Variants in THAP8 observed in about 807,000 individuals in gnomAD.
THAP8 encodes THAP domain-containing protein 8.
THAP8 carries 24 observed loss-of-function variants against 25.0 expected under a neutral mutation model. That is an observed-to-expected ratio of 0.96 (90% CI 0.69 to 1.35). THAP8 has a LOEUF of 1.35. Ranked by LOEUF, THAP8 falls within the 40% of genes most tolerant of loss-of-function variation. The pLI, the probability that THAP8 is intolerant of heterozygous loss-of-function variation, is 0.00. For missense variants in THAP8, 399 were observed against 368.8 expected, an observed-to-expected ratio of 1.08 and a Z score of -0.67; for synonymous variants, 169 against 157.6, an observed-to-expected ratio of 1.07 and a Z score of -0.54.
intron 1 of THAP8, among the ~76,000 whole-genome samples, chr19:36,053,876 C>T (rs917485882): frequency 2.0e-5 from 3 of 152,126 alleles, no homozygotes; most frequent in Admixed American, 6.5e-5. Flanking sequence ...ACAGCCTGCA[C>T]CGACTTCACT....
rs1249201127 is a variant in THAP8, at chr19:36,051,872, A to C, written c.83+2263T>G. Among the ~76,000 whole-genome samples, 3 of 152,090 alleles carry C rather than the reference A, an allele frequency of 2.0e-5. No individual in the cohort carries two copies. In the East Asian group the frequency reaches 5.8e-4, roughly 29 times the overall value. Reference sequence around the variant, plus strand: ...GGCAGGCAGGTGAGCGAGTGAGAGAAGCTTCATCTGTATTTACAGCCACTC... The same window carrying C: ...GGCAGGCAGGTGAGCGAGTGAGAGACGCTTCATCTGTATTTACAGCCACTC... On this transcript the variant is annotated intron_variant, in intron 1 of 3. Coordinates refer to ENST00000292894, the MANE Select transcript of THAP8 (RefSeq NM_152658.3).
At chr19:36,036,923 AGAGC>A (rs1439627884) in intron 3 of THAP8, among the ~76,000 whole-genome samples, 1 of 145,820 alleles carries the variant, frequency 6.9e-6, no homozygotes, top group African/African-American at 2.6e-5. Context: ...CCTGGGCAAC[AGAGC>A]AAGACTCCTT....
intron 1 of THAP8, among the ~76,000 whole-genome samples, chr19:36,053,760 C>G (rs1041321168): frequency 6.6e-6 from 1 of 152,056 alleles, no homozygotes; most frequent in Non-Finnish European, 1.5e-5. Flanking sequence ...ATAAGACAGA[C>G]TGGAAGGTTT....
intron 3 of THAP8, among the ~76,000 whole-genome samples, chr19:36,038,554 A>G (rs1969560591): frequency 6.6e-6 from 1 of 152,138 alleles, no homozygotes; most frequent in African/African-American, 2.4e-5. Context: ...CATTTTTTAA[A>G]AATTAACCTT....
At chr19:36,054,295 C>T (rs1970215321), upstream of THAP8, 1 of 1,513,060 alleles carries the variant, frequency 6.6e-7, no homozygotes, top group Admixed American at 2.0e-5. Flanking sequence ...TAACCCCGCC[C>T]CACCCGCGCT....
At chr19:36,036,120 T>C (rs1969432514) in intron 3 of THAP8, among the ~76,000 whole-genome samples, 1 of 152,028 alleles carries the variant, frequency 6.6e-6, no homozygotes, top group Admixed American at 6.6e-5. Context: ...GTCTGAGCTC[T>C]GTCCCTGCCC....
chr19:36,050,414 G>T (rs1343283321), intron 1 of THAP8, among the ~76,000 whole-genome samples: 1 of 152,146 alleles, frequency 6.6e-6, no homozygotes, highest in Non-Finnish European at 1.5e-5. Flanking sequence ...AAAGTGCTGG[G>T]ATTACAGGTG....
At chr19:36,037,138 C>T (rs563508655) in intron 3 of THAP8, among the ~76,000 whole-genome samples, 70 of 151,782 alleles carry the variant, frequency 4.6e-4, no homozygotes, top group Non-Finnish European at 9.4e-4. Flanking sequence ...GGAGAAATTT[C>T]GCCTTGGTCA....
chr19:36,035,545 G>A lies in THAP8; in HGVS notation c.720C>T (p.Ile240=). ...TGGCTATGTCAGGCCCTCCACAGAT[G>A]ATGGTGAAGGTTTGGGATTCCTCAG... is the stretch of plus-strand genomic sequence containing the variant. ...LGPEESQTFT[I]ICGGPDIAMV... The change falls in exon 4 of 4, where the codon ATC becomes ATT. Residue 240 remains isoleucine, a synonymous_variant. Coordinates refer to ENST00000292894, the MANE Select transcript of THAP8 (RefSeq NM_152658.3). 6.2e-7 allele frequency: 1 copy of A among 1,614,172 alleles called. No individual in the cohort carries two copies. The highest frequency in any genetic ancestry group is 8.5e-7 in the Non-Finnish European group (1 of 1,180,026).
chr19:36,054,756 G>C, upstream of THAP8: 1 of 624,826 alleles, frequency 1.6e-6, no homozygotes, highest in Non-Finnish European at 2.8e-6. Flanking sequence ...CCAGTACACT[G>C]GCTGTGGCCC....
At chr19:36,041,025 T>C (rs546334248) in intron 1 of THAP8, among the ~76,000 whole-genome samples, 2 of 151,860 alleles carry the variant, frequency 1.3e-5, no homozygotes, top group Non-Finnish European at 2.9e-5. Context: ...TGTAAGAAAC[T>C]GGTCAGGCAT....
At chr19:36,054,334 A>G, upstream of THAP8, 1 of 1,255,212 alleles carries the variant, frequency 8.0e-7, no homozygotes, top group Non-Finnish European at 1.1e-6. Flanking sequence ...ACGTCCGTGG[A>G]GTCTCGTCAC....
intron 2 of THAP8, 81 bp downstream of exon 2, chr19:36,039,863 A>C (rs1969624748): frequency 2.5e-6 from 4 of 1,592,932 alleles, no homozygotes; most frequent in Admixed American, 1.8e-5. Context: ...GGAGGGCCAA[A>C]GTTCAGACTC....
chr19:36,054,615 C>T (rs1018599307), upstream of THAP8: 41 of 543,346 alleles, frequency 7.5e-5, no homozygotes, highest in Non-Finnish European at 1.1e-4. Flanking sequence ...GCACATAGTT[C>T]CTCTAGGTGG....
chr19:36,049,443 C>T, intron 1 of THAP8, among the ~76,000 whole-genome samples: 2 of 152,036 alleles, frequency 1.3e-5, no homozygotes, highest in East Asian at 1.9e-4. Flanking sequence ...TCCTGGCAGC[C>T]ACTTCCCTCA....
intron 1 of THAP8, among the ~76,000 whole-genome samples, chr19:36,042,593 T>C (rs1430570856): frequency 6.6e-6 from 1 of 152,198 alleles, no homozygotes; most frequent in African/African-American, 2.4e-5. Flanking sequence ...ATCACATTAC[T>C]GCACTCTAGC....
chr19:36,045,534 G>A (rs941021438), intron 1 of THAP8, among the ~76,000 whole-genome samples: 11 of 152,108 alleles, frequency 7.2e-5, no homozygotes, highest in African/African-American at 1.4e-4. Context: ...CTCCCAATGT[G>A]CTGAAATTAC....
chr19:36,054,314 G>C (rs1176172792), upstream of THAP8: 1 of 1,420,310 alleles, frequency 7.0e-7, no homozygotes, highest in Non-Finnish European at 9.6e-7. Context: ...CTCGCCGCCT[G>C]CCTCACGTGA....
intron 1 of THAP8, among the ~76,000 whole-genome samples, chr19:36,051,262 A>C (rs1313362730): frequency 6.6e-6 from 1 of 152,238 alleles, no homozygotes; most frequent in Non-Finnish European, 1.5e-5. Flanking sequence ...GAAGTAGGCC[A>C]GTGTCACTGG....
Sources: gnomAD v4.1 joint callset for allele counts (sites outside exome capture counted in the v4.1 genomes callset) on GRCh38, gnomAD v4.1.1 for gene constraint, MANE v1.5 for transcripts, NCBI Gene and HGNC (gene_info 2026-07-23, HGNC 2026-07-21) for gene names.